The following FSD1L variants were observed in gnomAD, a reference collection of about 807,000 sequenced individuals.
The protein encoded by FSD1L is FSD1-like protein.
FSD1L carries 45 observed loss-of-function variants against 71.6 expected under a neutral mutation model. The observed-to-expected ratio is 0.63, with a 90% CI of 0.49 to 0.81. FSD1L has a LOEUF of 0.81. Among genes scored for constraint, FSD1L ranks in the 30% least tolerant of loss-of-function variants. FSD1L has a pLI of 0.00. For missense variants in FSD1L, 561 were observed against 618.1 expected, an observed-to-expected ratio of 0.91 and a Z score of 0.98; for synonymous variants, 197 against 207.2, an observed-to-expected ratio of 0.95 and a Z score of 0.42.
At position 105,521,325 on chromosome 9, in the gene FSD1L, G is replaced by A; in HGVS notation, c.1025+8389G>A. On this transcript the variant is annotated intron_variant, in intron 10 of 13. Coordinates refer to ENST00000481272, the MANE Select transcript of FSD1L (RefSeq NM_001145313.3). ...CAAAAATGATAATGCTGATAAAGCA[G>A]ACAGAACTACAGAACCCGAACAGTC... The A allele has an allele frequency of 2.5e-6, 4 of 1,614,188 alleles. No homozygotes were observed. The South Asian group carries it at 3.3e-5, about 13-fold the overall frequency.
intron 10 of FSD1L, among the ~76,000 whole-genome samples, chr9:105,531,390 T>C (rs935257092): frequency 6.6e-6 from 1 of 152,230 alleles, no homozygotes; most frequent in South Asian, 2.1e-4. Flanking sequence ...AAACAAAATC[T>C]TGTTGACTTT....
chr9:105,488,172 C>G (rs1487175700), intron 7 of FSD1L, among the ~76,000 whole-genome samples: 1 of 152,110 alleles, frequency 6.6e-6, no homozygotes, highest in Admixed American at 6.6e-5. Context: ...CCGCTGTGCC[C>G]CATATTTTCA....
intron 10 of FSD1L, among the ~76,000 whole-genome samples, chr9:105,529,275 A>G (rs919684108): frequency 2.0e-5 from 3 of 152,238 alleles, no homozygotes; most frequent in East Asian, 1.9e-4. Flanking sequence ...ATTACTGGGT[A>G]TATACCCAAA....
intron 10 of FSD1L, chr9:105,525,075 G>A (rs1285968203): frequency 5.7e-6 from 9 of 1,569,784 alleles, no homozygotes; most frequent in South Asian, 2.4e-5. Context: ...AAATATTCAT[G>A]GGATTCTGCT....
intron 1 of FSD1L, among the ~76,000 whole-genome samples, chr9:105,451,866 A>G (rs1011845514): frequency 7.2e-5 from 11 of 152,210 alleles, no homozygotes; most frequent in Admixed American, 6.5e-4. Context: ...TGTACAGATT[A>G]TTCACATACA....
In FSD1L at chr9:105,550,813, T is replaced by C. The variant is rs1378621048; in HGVS notation, c.*4330T>C. The C allele has an allele frequency of 6.6e-6, 1 of 152,094 alleles. No homozygotes were observed. Among genetic ancestry groups the C allele is most frequent in the Non-Finnish European group, 1.5e-5 (1 of 67,954 alleles). The allele number at this position is 152,094 out of a possible 1,614,324, so 9.4% of individuals were successfully genotyped here. A position where few individuals can be genotyped will look rare whatever the true frequency, so the allele number is the denominator to read the frequency against. On this transcript the variant is annotated 3_prime_UTR_variant, in exon 14 of 14. Transcript: ENST00000481272. ...TTATTAAATAAAAGAATATTTCTTA[T>C]TTCTGGGTCAATATAAGGTACTGAC...
intron 12 of FSD1L, among the ~76,000 whole-genome samples, chr9:105,536,465 T>C (rs1253934397): frequency 6.6e-6 from 1 of 152,216 alleles, no homozygotes; most frequent in East Asian, 1.9e-4. Flanking sequence ...ACATGACCTC[T>C]GACCAGCAAA....
intron 1 of FSD1L, among the ~76,000 whole-genome samples, chr9:105,456,980 A>C (rs1299597984): frequency 6.6e-6 from 1 of 152,220 alleles, no homozygotes. Context: ...GATCTGATAT[A>C]AAAATCTGAG....
intron 1 of FSD1L, among the ~76,000 whole-genome samples, chr9:105,454,954 A>G (rs1564075508): frequency 1.3e-5 from 2 of 152,122 alleles, no homozygotes; most frequent in African/African-American, 2.4e-5. Flanking sequence ...ATTTAGGTAT[A>G]TTATGATTAG....
chr9:105,478,047 G>A (rs1429757308), intron 5 of FSD1L, among the ~76,000 whole-genome samples: 1 of 152,058 alleles, frequency 6.6e-6, no homozygotes, highest in Non-Finnish European at 1.5e-5. Context: ...GATCAAGACT[G>A]TCTTGTCTAA....
chr9:105,486,936 G>A (rs1832589086), intron 7 of FSD1L, among the ~76,000 whole-genome samples: 1 of 152,094 alleles, frequency 6.6e-6, no homozygotes, highest in Admixed American at 6.5e-5. Flanking sequence ...CTGTAAAAGT[G>A]TCATCATATA....
rs147113978 is a variant in FSD1L, at chr9:105,532,887, A to T, written c.1026-1606A>T. 5.2e-3 allele frequency among the ~76,000 whole-genome samples: 789 copies of T among 152,344 alleles called. 7 individuals are homozygous for T. The highest frequency in any genetic ancestry group is 7.3e-3 in the Non-Finnish European group (498 of 68,028). Reference sequence around the variant, plus strand: ...GTCCTGAGTTCTTTGAAATTGTCTAATAAGTCTGATTTCTGACAGCAAGAC... The same window carrying T: ...GTCCTGAGTTCTTTGAAATTGTCTATTAAGTCTGATTTCTGACAGCAAGAC... On this transcript the variant is annotated intron_variant, in intron 10 of 13. Coordinates refer to ENST00000481272, the MANE Select transcript of FSD1L (RefSeq NM_001145313.3).
chr9:105,512,888 G>C lies in FSD1L; in HGVS notation c.977G>C (p.Gly326Ala). Reference protein sequence around the residue: ...EDTCVEWDPTGGKGQESKIKG... With the variant: ...EDTCVEWDPTAGKGQESKIKG... Reference sequence around the variant, plus strand: ...ACATGTGTAGAGTGGGATCCTACTGGAGGAAAAGGTCAAGAAAGTAAAATT... The same window carrying C: ...ACATGTGTAGAGTGGGATCCTACTGCAGGAAAAGGTCAAGAAAGTAAAATT... The change falls in exon 10 of 14, where the codon GGA becomes GCA. Residue 326 changes from glycine (G) to alanine (A), a missense_variant. Around this residue, in one of 3 missense-constraint regions of FSD1L, gnomAD observed 410 missense variants for 413.5 expected, o/e 0.99. Transcript: ENST00000481272. 1 of 1,542,648 alleles carries C rather than the reference G, an allele frequency of 6.5e-7. No homozygotes were observed. The highest frequency in any genetic ancestry group is 8.8e-7 in the Non-Finnish European group (1 of 1,142,802).
intron 5 of FSD1L, among the ~76,000 whole-genome samples, chr9:105,478,139 G>A (rs532215511): frequency 2.6e-4 from 40 of 152,270 alleles, no homozygotes; most frequent in Non-Finnish European, 4.7e-4. Flanking sequence ...CAGCTACTTG[G>A]GAGGCTGAGG....
In FSD1L at chr9:105,547,894, A is replaced by T. The variant is rs2131550702; in HGVS notation, c.*1411A>T. 1.3e-5 allele frequency: 2 copies of T among 152,172 alleles called. No homozygotes were observed. Among genetic ancestry groups the T allele is most frequent in the South Asian group, 4.1e-4 (2 of 4,828 alleles). 9.4% of individuals were successfully genotyped at this position (152,172 alleles called of 1,614,324 possible). A position where few individuals can be genotyped will look rare whatever the true frequency, so the allele number is the denominator to read the frequency against. ...CATTTAAAATATATTGTGCTATGAT[A>T]ACCAACCTTCTTCCAAGGAGTGACC... On this transcript the variant is annotated 3_prime_UTR_variant, in exon 14 of 14. Coordinates refer to ENST00000481272, the MANE Select transcript of FSD1L (RefSeq NM_001145313.3).
At chr9:105,542,635 T>G (rs1836702460) in intron 13 of FSD1L, among the ~76,000 whole-genome samples, 1 of 152,072 alleles carries the variant, frequency 6.6e-6, no homozygotes, top group South Asian at 2.1e-4. Context: ...AAAATGTTTC[T>G]TGTACAGATG....
intron 1 of FSD1L, among the ~76,000 whole-genome samples, chr9:105,451,961 A>T (rs183231405): frequency 6.6e-6 from 1 of 152,142 alleles, no homozygotes; most frequent in African/African-American, 2.4e-5. Context: ...CAGAGGAAGG[A>T]AGTCACCAAG....
At chr9:105,515,665 T>C (rs1834669496) in intron 10 of FSD1L, among the ~76,000 whole-genome samples, 1 of 152,154 alleles carries the variant, frequency 6.6e-6, no homozygotes, top group Non-Finnish European at 1.5e-5. Flanking sequence ...TACTGCACTT[T>C]TCCCACAGTC....
intron 10 of FSD1L, among the ~76,000 whole-genome samples, chr9:105,519,423 C>A (rs1834965161): frequency 6.6e-6 from 1 of 152,082 alleles, no homozygotes; most frequent in Non-Finnish European, 1.5e-5. Context: ...GCAAACCGAA[C>A]CCAGCAGCAC....
Sources: allele counts gnomAD v4.1 joint callset (sites outside exome capture counted in the v4.1 genomes callset), GRCh38; gene constraint gnomAD v4.1.1; regional missense constraint gnomAD v4.1.1; transcripts MANE v1.5; gene names NCBI Gene and HGNC (gene_info 2026-07-23, HGNC 2026-07-21).